FSTL5: variants seen among roughly 807,000 people sequenced by gnomAD.
FSTL5 encodes follistatin-related protein 5.
In FSTL5, 62 loss-of-function variants were observed where a neutral mutation model predicts 89.1. The observed-to-expected ratio is 0.70, with a 90% CI of 0.57 to 0.86. The LOEUF (loss-of-function observed/expected upper bound fraction) is 0.86. Among genes scored for constraint, FSTL5 ranks in the 40% least tolerant of loss-of-function variants. FSTL5 has a pLI of 0.00. For missense variants in FSTL5, 1,057 were observed against 1,001.6 expected (o/e 1.06, Z -0.75); for synonymous variants, 383 against 346.2 (o/e 1.11, Z -1.18).
At chr4:161,726,230 T>TTC (rs1553961476) in intron 6 of FSTL5, among the ~76,000 whole-genome samples, 1 of 141,908 alleles carries the variant, frequency 7.0e-6, no homozygotes, top group African/African-American at 2.6e-5. Flanking sequence ...TCTTTTTCTT[T>TTC]TTTTTTTTTT....
chr4:162,041,645 AT>A (rs1737964055), intron 2 of FSTL5, among the ~76,000 whole-genome samples: 1 of 151,914 alleles, frequency 6.6e-6, no homozygotes, highest in Admixed American at 6.6e-5. Context: ...TGTTTATGTA[AT>A]TTTCAGTAAG....
intron 15 of FSTL5, among the ~76,000 whole-genome samples, chr4:161,393,241 G>T (rs868440487): frequency 6.6e-6 from 1 of 151,772 alleles, no homozygotes; most frequent in Non-Finnish European, 1.5e-5. Flanking sequence ...TTTTATACAT[G>T]CAAGAGAGAG....
chr4:161,583,157 C>T (rs1282492595), intron 8 of FSTL5, among the ~76,000 whole-genome samples: 6 of 152,062 alleles, frequency 3.9e-5, no homozygotes, highest in African/African-American at 7.2e-5. Context: ...GCCAAGATGG[C>T]GCCACTGCAC....
At chr4:161,699,295 G>T (rs1738291606) in intron 6 of FSTL5, among the ~76,000 whole-genome samples, 1 of 152,174 alleles carries the variant, frequency 6.6e-6, no homozygotes, top group African/African-American at 2.4e-5. Context: ...TACATAAAAA[G>T]ATTTCATGCA....
rs144922454 is a variant in FSTL5 at position 162,124,488 on chromosome 4, G to A, written c.-16-13076C>T. 9.0e-3 allele frequency among the ~76,000 whole-genome samples: 1,368 copies of A among 152,208 alleles called. 18 individuals are homozygous for A. The highest frequency in any genetic ancestry group is 0.03 in the African/African-American group (1,255 of 41,520). ...GTTGGGCCCAGATTGATAGTGAAGT[G>A]TACCTCCCTTCCTCTGTTCTTAAAG... On this transcript the variant is annotated intron_variant, in intron 1 of 15. Transcript: ENST00000306100.
chr4:161,542,025 A>G (rs1327743513), intron 9 of FSTL5, among the ~76,000 whole-genome samples: 4 of 151,968 alleles, frequency 2.6e-5, no homozygotes, highest in Non-Finnish European at 5.9e-5. Flanking sequence ...TATTTTATAT[A>G]TTAGAATGTA....
chr4:161,636,272 T>C (rs1735694831), intron 7 of FSTL5, among the ~76,000 whole-genome samples: 2 of 152,058 alleles, frequency 1.3e-5, no homozygotes, highest in African/African-American at 2.4e-5. Context: ...TCTATGAAAC[T>C]GTTTCTTTAT....
intron 4 of FSTL5, among the ~76,000 whole-genome samples, chr4:161,798,901 G>T (rs11100390): frequency 0.74 from 111,818 of 151,440 alleles, 41,302 homozygotes; most frequent in Admixed American, 0.76. Context: ...AAAGTGGAAG[G>T]TGAGGGGGAA....
chr4:162,107,372 G>A (rs1255335159), intron 2 of FSTL5, among the ~76,000 whole-genome samples: 1 of 152,078 alleles, frequency 6.6e-6, no homozygotes, highest in African/African-American at 2.4e-5. Flanking sequence ...CAGAGTACCC[G>A]CTATACAATC....
At chr4:161,546,292 T>TAATATA (rs1553996337) in intron 8 of FSTL5, among the ~76,000 whole-genome samples, 17 of 145,588 alleles carry the variant, frequency 1.2e-4, no homozygotes, top group Non-Finnish European at 2.3e-4. Context: ...TATATACATA[T>TAATATA]TATATATATA....
chr4:162,058,571 G>T (rs1738628199), intron 2 of FSTL5, among the ~76,000 whole-genome samples: 1 of 151,510 alleles, frequency 6.6e-6, no homozygotes, highest in African/African-American at 2.4e-5. Flanking sequence ...GGGATTACAG[G>T]CACGCACCAC....
intron 4 of FSTL5, among the ~76,000 whole-genome samples, chr4:161,859,754 C>T (rs1731840471): frequency 6.6e-6 from 1 of 152,088 alleles, no homozygotes; most frequent in Non-Finnish European, 1.5e-5. Flanking sequence ...TGTGAGGTAG[C>T]AGAGGCTTGA....
intron 5 of FSTL5, among the ~76,000 whole-genome samples, chr4:161,773,847 CAAG>C (rs770285631): frequency 1.2e-4 from 18 of 152,032 alleles, no homozygotes; most frequent in Non-Finnish European, 2.2e-4. Flanking sequence ...GGGTATCTAC[CAAG>C]AAGAAAACAA....
At chr4:161,762,626 T>C (rs996091468) in intron 5 of FSTL5, among the ~76,000 whole-genome samples, 1 of 152,148 alleles carries the variant, frequency 6.6e-6, no homozygotes, top group African/African-American at 2.4e-5. Context: ...AGGTAATAAG[T>C]GGTATAAGTG....
intron 10 of FSTL5, among the ~76,000 whole-genome samples, chr4:161,532,032 G>A (rs1434387225): frequency 5.9e-5 from 9 of 151,794 alleles, no homozygotes; most frequent in South Asian, 2.1e-4. Context: ...GTGAAACCCC[G>A]TCTCTACTAA....
chr4:161,649,116 G>T (rs1209959230), intron 7 of FSTL5, among the ~76,000 whole-genome samples: 1 of 152,036 alleles, frequency 6.6e-6, no homozygotes, highest in Non-Finnish European at 1.5e-5. Context: ...CTACACAACT[G>T]AACACCTGAA....
chr4:161,793,035 C>T (rs1192452364), intron 4 of FSTL5, among the ~76,000 whole-genome samples: 2 of 152,220 alleles, frequency 1.3e-5, no homozygotes, highest in Non-Finnish European at 2.9e-5. Flanking sequence ...CTCCAAGCTT[C>T]TGGGCACTAT....
intron 7 of FSTL5, among the ~76,000 whole-genome samples, chr4:161,650,525 T>C (rs529620822): frequency 6.6e-6 from 1 of 152,282 alleles, no homozygotes; most frequent in African/African-American, 2.4e-5. Flanking sequence ...ATAAATTACA[T>C]AATGCTTTCT....
intron 5 of FSTL5, among the ~76,000 whole-genome samples, chr4:161,772,546 A>G (rs1269933581): frequency 6.6e-6 from 1 of 152,112 alleles, no homozygotes; most frequent in South Asian, 2.1e-4. Context: ...TCTGCTATAC[A>G]CCACCAGCAA....
Sources: gnomAD v4.1 joint callset for allele counts (sites outside exome capture counted in the v4.1 genomes callset) on GRCh38, gnomAD v4.1.1 for gene constraint, MANE v1.5 for transcripts, NCBI Gene and HGNC (gene_info 2026-07-23, HGNC 2026-07-21) for gene names.